The following A2M variants were observed in gnomAD, a reference collection of about 807,000 sequenced individuals.
A2M encodes the protein alpha-2-macroglobulin.
Under a neutral mutation model 183.9 loss-of-function variants are expected in A2M, and 128 were observed. The ratio of observed to expected loss-of-function variants is 0.70; its 90% CI spans 0.60 to 0.81. A2M has a LOEUF of 0.81. Ranked by LOEUF, A2M falls within the 30% of genes least tolerant of loss-of-function variation. A2M has a pLI of 0.00. For synonymous variants in A2M, 592 were observed against 670.8 expected (o/e 0.88, Z 1.81); for missense variants, 1,495 against 1,787.6 (o/e 0.84, Z 2.95).
At chr12:9,088,221 A>AG (rs1565588090) in intron 22 of A2M, among the ~76,000 whole-genome samples, 1 of 151,616 alleles carries the variant, frequency 6.6e-6, no homozygotes, top group African/African-American at 2.4e-5. Flanking sequence ...AAAAATGTTC[A>AG]GGGGGGTGAC....
chr12:9,095,601 T>G lies in A2M; in HGVS notation c.1951A>C (p.Asn651His), dbSNP rs758619055. Residue 651 changes from asparagine (N) to histidine (H), a missense_variant, in exon 16 of 36, where the codon AAT becomes CAT. Transcript: ENST00000318602. ...GATACTGGAGTATATGTGATTCCAT[T>G]AATATAGACATTATGACGATTGATG... ...DCINRHNVYI[N>H]GITYTPVSST... is the part of the protein sequence containing the mutation. 1.2e-6 allele frequency: 2 copies of G among 1,612,156 alleles called. No individual in the cohort carries two copies. Among genetic ancestry groups the G allele is most frequent in the East Asian group, 4.5e-5 (2 of 44,870 alleles).
Position 9,097,632 on chromosome 12 carries a change from C to CTTTTTTT in A2M, c.1851+968_1851+974dup, listed in dbSNP as rs34844537. Among the ~76,000 whole-genome samples, 523 of 127,054 alleles carry CTTTTTTT rather than the reference C, an allele frequency of 4.1e-3. 9 individuals carry two copies. The highest frequency in any genetic ancestry group is 0.011 in the African/African-American group (389 of 33,984). The allele number at this position is 127,054 out of a possible 152,430, so 83.4% of individuals were successfully genotyped here. A position where few individuals can be genotyped will look rare whatever the true frequency, so the allele number is the denominator to read the frequency against. ...AGCAATTATTTCAACTGATGTAATT[C>CTTTTTTT]TTTTTTTTTTTTTTTTTTTGACACC... On this transcript the variant is annotated intron_variant, in intron 15 of 35. Coordinates refer to ENST00000318602, the MANE Select transcript of A2M (RefSeq NM_000014.6).
intron 21 of A2M, among the ~76,000 whole-genome samples, 156 bp from the exon 22 acceptor site, chr12:9,089,407 A>G (rs970979718): frequency 2.0e-5 from 3 of 152,220 alleles, no homozygotes; most frequent in Admixed American, 6.5e-5. Context: ...CGTAGGAGGT[A>G]GTTCGATGCA....
chr12:9,068,951 C>G, intron 33 of A2M, 109 bp from the exon 34 acceptor site: 1 of 688,840 alleles, frequency 1.5e-6, no homozygotes, highest in East Asian at 2.7e-5. Context: ...TATCCTACAG[C>G]ACACTATAGG....
chr12:9,107,857 ATT>A (rs1384755485), intron 7 of A2M, among the ~76,000 whole-genome samples: 1 of 151,652 alleles, frequency 6.6e-6, no homozygotes, highest in East Asian at 1.9e-4. Context: ...TTCTTTTATC[ATT>A]TCTTTTTTTT....
intron 26 of A2M, 78 bp from the exon 27 acceptor site, chr12:9,077,498 C>T (rs1948781898): frequency 5.4e-6 from 8 of 1,488,296 alleles, no homozygotes; most frequent in Non-Finnish European, 2.8e-6. Flanking sequence ...TCTGCTGTGT[C>T]ATGGAATTCA....
chr12:9,113,577 A>C (rs762863195), intron 1 of A2M, 34 bp from the exon 2 acceptor site: 2 of 1,598,334 alleles, frequency 1.3e-6, no homozygotes, highest in East Asian at 4.5e-5. Context: ...GAGGAAAGTG[A>C]AGGAAGAGAG....
chr12:9,083,545 A>G (rs1228856712), intron 22 of A2M, among the ~76,000 whole-genome samples: 1 of 152,046 alleles, frequency 6.6e-6, no homozygotes, highest in African/African-American at 2.4e-5. Context: ...AGCAGACTTG[A>G]TCAAGCAGAA....
rs779468527 is a variant in A2M, at chr12:9,109,962, G to A, written c.578C>T (p.Pro193Leu). The change falls in exon 6 of 36, where the codon CCC (proline) becomes CTC (leucine). Residue 193 changes from proline (P) to leucine (L), a missense_variant. Physicochemically the swap from Pro to Leu is moderately conservative, Grantham distance 98. Coordinates refer to ENST00000318602, the MANE Select transcript of A2M (RefSeq NM_000014.6). ...GCCCTGGAAGGGCTCTGATGAGAGG[G>A]GAAAAGAAAATTGCTTGAGGCCACC... ...LEGGLKQFSF[P>L]LSSEPFQGSY... The A allele has an allele frequency of 6.2e-7, 1 of 1,613,738 alleles. No homozygotes were observed. The highest frequency in any genetic ancestry group is 1.1e-5 in the South Asian group (1 of 91,008).
At chr12:9,115,957 G>T (rs1939090861), upstream of A2M, 2 of 883,142 alleles carry the variant, frequency 2.3e-6, no homozygotes, top group African/African-American at 1.7e-5. Flanking sequence ...ATGCTGCTCT[G>T]TGTGCAAACA....
At chr12:9,112,646 C>T (rs1436973875) in intron 2 of A2M, 110 bp from the exon 3 acceptor site, 1 of 1,196,116 alleles carries the variant, frequency 8.4e-7, no homozygotes, top group Non-Finnish European at 1.2e-6. Flanking sequence ...TAACTTCACT[C>T]CCTTGTTCTC....
At chr12:9,115,653 A>C in intron 1 of A2M, 111 bp downstream of exon 1, 1 of 777,664 alleles carries the variant, frequency 1.3e-6, no homozygotes, top group Non-Finnish European at 2.1e-6. Flanking sequence ...GGAATCTTAG[A>C]GATAAGAAGA....
chr12:9,091,430 C>T lies in A2M; in HGVS notation c.2241-1G>A. On this transcript the variant is annotated splice_acceptor_variant, in intron 18 of 35. Coordinates refer to ENST00000318602, the MANE Select transcript of A2M (RefSeq NM_000014.6). LOFTEE classifies it high-confidence loss of function. ...TCCTACCTCAGCCACACCTGCTGAGCTGGAGAGGAGTGTAAGTGAAGAACA... is the reference window on the plus strand; with the variant it reads ...TCCTACCTCAGCCACACCTGCTGAGTTGGAGAGGAGTGTAAGTGAAGAACA... 1 of 1,614,056 alleles carries T rather than the reference C, an allele frequency of 6.2e-7. No homozygotes were observed. The highest frequency in any genetic ancestry group is 8.5e-7 in the Non-Finnish European group (1 of 1,179,950).
At chr12:9,077,079 A>G (rs1948770620) in intron 27 of A2M, 143 bp from the exon 28 acceptor site, 1 of 740,018 alleles carries the variant, frequency 1.4e-6, no homozygotes, top group African/African-American at 1.8e-5. Flanking sequence ...ATATAATATT[A>G]TTTTTATCTG....
chr12:9,115,852 T>C lies in A2M; in HGVS notation c.-3A>G. The C allele has an allele frequency of 6.2e-7, 1 of 1,612,648 alleles. No individual in the cohort carries two copies. Among genetic ancestry groups the C allele is most frequent in the South Asian group, 1.1e-5 (1 of 91,068 alleles). Reference sequence around the variant, plus strand: ...TGAAGGAGTTTGTTCTTCCCCATGTTGCAGAAAGAAGGAGCTGGAGGAGAA... The same window carrying C: ...TGAAGGAGTTTGTTCTTCCCCATGTCGCAGAAAGAAGGAGCTGGAGGAGAA... On this transcript the variant is annotated 5_prime_UTR_variant, in exon 1 of 36. Transcript: ENST00000318602.
At chr12:9,075,428 T>G (rs2300148) in intron 28 of A2M, among the ~76,000 whole-genome samples, 57,112 of 151,594 alleles carry the variant, frequency 0.38, 11,425 homozygotes, top group African/African-American at 0.49. Flanking sequence ...TTGCAGCATT[T>G]TTTTTAATAG....
chr12:9,070,269 T>C (rs749010395), intron 32 of A2M, among the ~76,000 whole-genome samples: 1 of 152,376 alleles, frequency 6.6e-6, no homozygotes, highest in Non-Finnish European at 1.5e-5. Context: ...AGCAGGAACC[T>C]GCTGACAATC....
chr12:9,109,966 A>G lies in A2M; in HGVS notation c.574T>C (p.Phe192Leu), dbSNP rs772773413. Reference sequence around the variant, plus strand: ...TGGAAGGGCTCTGATGAGAGGGGAAAAGAAAATTGCTTGAGGCCACCCTCT... The same window carrying G: ...TGGAAGGGCTCTGATGAGAGGGGAAGAGAAAATTGCTTGAGGCCACCCTCT... ...QLEGGLKQFS[F>L]PLSSEPFQGS... Residue 192 changes from phenylalanine (F) to leucine (L), a missense_variant, in exon 6 of 36, where the codon TTT (phenylalanine) becomes CTT (leucine). Physicochemically the swap from Phe to Leu is conservative, Grantham distance 22. Coordinates refer to ENST00000318602, the MANE Select transcript of A2M (RefSeq NM_000014.6). The G allele has an allele frequency of 1.2e-5, 19 of 1,613,838 alleles. No individual in the cohort carries two copies. Among genetic ancestry groups the G allele is most frequent in the Middle Eastern group, 1.6e-4 (1 of 6,084 alleles).
chr12:9,104,269 G>A lies in A2M; in HGVS notation c.1236C>T (p.Thr412=), dbSNP rs1255449886. ...CAGTAAGAGAGGTACCCATAACATT[G>A]GTGGTGTTGATAGAGAACTGTACAA... is the stretch of plus-strand genomic sequence containing the variant. ...HGLVQFSINT[T]NVMGTSLTVR... Residue 412 remains threonine (T), a synonymous_variant, in exon 11 of 36, where the codon ACC becomes ACT. Transcript: ENST00000318602. 6.2e-7 allele frequency: 1 copy of A among 1,612,840 alleles called. No individual in the cohort carries two copies. The highest frequency in any genetic ancestry group is 2.2e-5 in the East Asian group (1 of 44,858).
Sources: gnomAD v4.1 joint callset for allele counts (sites outside exome capture counted in the v4.1 genomes callset) on GRCh38, gnomAD v4.1.1 for gene constraint, MANE v1.5 for transcripts, NCBI Gene and HGNC (gene_info 2026-07-23, HGNC 2026-07-21) for gene names.